Variants in DPYD observed in about 807,000 individuals in gnomAD.
DPYD encodes dihydropyrimidine dehydrogenase.
In DPYD, 109 loss-of-function variants were observed where a neutral mutation model predicts 116.2. The observed-to-expected ratio is 0.94, with a 90% CI of 0.80 to 1.10. The LOEUF (loss-of-function observed/expected upper bound fraction) is 1.10. Ranked by LOEUF, DPYD falls within the 50% of genes least tolerant of loss-of-function variation. DPYD has a pLI of 0.00. For synonymous variants in DPYD, 440 were observed against 432.0 expected, an observed-to-expected ratio of 1.02 and a Z score of -0.23; for missense variants, 1,302 against 1,254.5, an observed-to-expected ratio of 1.04 and a Z score of -0.57.
At chr1:97,868,625 G>T (rs1440444135) in intron 2 of DPYD, among the ~76,000 whole-genome samples, 1 of 151,628 alleles carries the variant, frequency 6.6e-6, no homozygotes, top group Admixed American at 6.6e-5. Context: ...TAATTATCAA[G>T]ATTTCTATTT....
chr1:97,700,221 A>C, intron 5 of DPYD: 1 of 455,932 alleles, frequency 2.2e-6, no homozygotes. Context: ...TCTTGAAGAG[A>C]ACCACAGCTC....
intron 13 of DPYD, among the ~76,000 whole-genome samples, chr1:97,501,246 A>G (rs1029798497): frequency 1.3e-5 from 2 of 152,100 alleles, no homozygotes; most frequent in Non-Finnish European, 2.9e-5. Context: ...CTACTTTAAT[A>G]TCTGCTTCAA....
Position 97,477,935 on chromosome 1 carries a change from C to T in DPYD, c.1741-27712G>A, listed in dbSNP as rs183916934. Among the ~76,000 whole-genome samples, 198 of 152,290 alleles carry T rather than the reference C, an allele frequency of 1.3e-3. 1 individual carries two copies. The highest frequency in any genetic ancestry group is 4.4e-3 in the African/African-American group (184 of 41,562). ...GAAACCTAGAATGGTAAATACTTCCCATTCACCACTAAATGTTTTCAACTG... is the reference window on the plus strand; with the variant it reads ...GAAACCTAGAATGGTAAATACTTCCTATTCACCACTAAATGTTTTCAACTG... On this transcript the variant is annotated intron_variant, in intron 13 of 22. Transcript: ENST00000370192.
At chr1:97,592,200 C>G (rs775048510) in intron 10 of DPYD, among the ~76,000 whole-genome samples, 2 of 152,144 alleles carry the variant, frequency 1.3e-5, no homozygotes, top group Non-Finnish European at 2.9e-5. Context: ...ATTTATCTTT[C>G]TATAAATACA....
At chr1:97,625,688 G>A (rs1656887299) in intron 8 of DPYD, among the ~76,000 whole-genome samples, 1 of 151,888 alleles carries the variant, frequency 6.6e-6, no homozygotes, top group Admixed American at 6.6e-5. Context: ...GGGAGGAGAT[G>A]GTCATCTACA....
chr1:97,815,679 G>A (rs774828335), intron 3 of DPYD, among the ~76,000 whole-genome samples: 3 of 152,174 alleles, frequency 2.0e-5, no homozygotes, highest in Admixed American at 6.5e-5. Flanking sequence ...TCTTTCATTA[G>A]GCTTTGAGGG....
chr1:97,343,467 T>C (rs1193762988), intron 16 of DPYD, among the ~76,000 whole-genome samples: 1 of 152,110 alleles, frequency 6.6e-6, no homozygotes, highest in Non-Finnish European at 1.5e-5. Flanking sequence ...AATGAAAGTG[T>C]AGTATAAGAA....
intron 18 of DPYD, among the ~76,000 whole-genome samples, chr1:97,254,606 T>C (rs1266094909): frequency 6.6e-6 from 1 of 152,168 alleles, no homozygotes; most frequent in African/African-American, 2.4e-5. Context: ...CCAAAGGGTG[T>C]AAAATCCAGA....
At chr1:97,838,245 T>TA (rs1032806857) in intron 2 of DPYD, among the ~76,000 whole-genome samples, 1 of 152,152 alleles carries the variant, frequency 6.6e-6, no homozygotes, top group African/African-American at 2.4e-5. Flanking sequence ...TTCACAAAGA[T>TA]AAAAAAATCC....
intron 14 of DPYD, among the ~76,000 whole-genome samples, chr1:97,388,816 T>C (rs1672507927): frequency 6.6e-6 from 1 of 151,986 alleles, no homozygotes. Context: ...TATATTTGAG[T>C]ATGTTTTTAC....
At chr1:97,707,073 A>T (rs578103104) in intron 5 of DPYD, among the ~76,000 whole-genome samples, 1 of 152,096 alleles carries the variant, frequency 6.6e-6, no homozygotes, top group South Asian at 2.1e-4. Context: ...CCCCCATTTC[A>T]TTCAATTCGT....
chr1:97,592,573 T>C (rs1557823186), intron 10 of DPYD, among the ~76,000 whole-genome samples: 1 of 152,148 alleles, frequency 6.6e-6, no homozygotes, highest in Non-Finnish European at 1.5e-5. Flanking sequence ...TTCACCGTGT[T>C]AGTCAGGATG....
At chr1:97,778,184 AAGAAAGAG>A (rs1666527133) in intron 3 of DPYD, among the ~76,000 whole-genome samples, 2 of 113,752 alleles carry the variant, frequency 1.8e-5, no homozygotes, top group African/African-American at 6.9e-5. Flanking sequence ...GAAAGAAAGA[AAGAAAGAG>A]AGAGAGAGAG....
intron 19 of DPYD, among the ~76,000 whole-genome samples, chr1:97,206,646 A>ATGTGTG (rs10651231): frequency 4.8e-5 from 2 of 42,032 alleles, no homozygotes; most frequent in African/African-American, 4.3e-4. Context: ...TTTTATATAT[A>ATGTGTG]TATATATATA....
intron 10 of DPYD, among the ~76,000 whole-genome samples, chr1:97,584,031 A>G (rs947664642): frequency 9.9e-5 from 15 of 152,184 alleles, no homozygotes; most frequent in African/African-American, 3.6e-4. Context: ...AGTCCCACGA[A>G]CAGTGTAAAA....
chr1:97,697,618 G>T (rs1661377035), intron 6 of DPYD, among the ~76,000 whole-genome samples: 1 of 151,856 alleles, frequency 6.6e-6, no homozygotes, highest in Non-Finnish European at 1.5e-5. Flanking sequence ...GCAAAAGAAA[G>T]AATTTAACAA....
chr1:97,280,500 G>A (rs1665250686), intron 18 of DPYD, among the ~76,000 whole-genome samples: 1 of 151,996 alleles, frequency 6.6e-6, no homozygotes, highest in Non-Finnish European at 1.5e-5. Flanking sequence ...AAACTAAATG[G>A]CCATCTATAG....
intron 14 of DPYD, among the ~76,000 whole-genome samples, chr1:97,436,711 C>T (rs1156914682): frequency 6.6e-6 from 1 of 152,002 alleles, no homozygotes. Flanking sequence ...AAAGCCAAAG[C>T]TTAACAATCC....
chr1:97,920,560 C>T (rs1674456743), intron 1 of DPYD, among the ~76,000 whole-genome samples: 1 of 152,184 alleles, frequency 6.6e-6, no homozygotes, highest in Non-Finnish European at 1.5e-5. Flanking sequence ...TAGAGTCCAC[C>T]TCTCTGGAAC....
Sources: allele counts gnomAD v4.1 joint callset (sites outside exome capture counted in the v4.1 genomes callset), GRCh38; gene constraint gnomAD v4.1.1; transcripts MANE v1.5; gene names NCBI Gene and HGNC (gene_info 2026-07-23, HGNC 2026-07-21).